Variants in PCED1B observed in about 807,000 individuals in gnomAD.
PCED1B encodes the protein PC-esterase domain containing 1B.
For missense variants in PCED1B, 573 were observed against 573.9 expected (o/e 1.00, Z 0.02); for synonymous variants, 251 against 246.1 (o/e 1.02, Z -0.19).
At chr12:47,128,644 C>G (rs1397166320) in intron 2 of PCED1B, among the ~76,000 whole-genome samples, 1 of 152,150 alleles carries the variant, frequency 6.6e-6, no homozygotes, top group African/African-American at 2.4e-5. Context: ...TGATTTCTGT[C>G]TCAGCAGTAA....
intron 2 of PCED1B, among the ~76,000 whole-genome samples, chr12:47,160,570 G>A (rs1941345728): frequency 6.6e-6 from 1 of 151,886 alleles, no homozygotes. Flanking sequence ...ACCTCCCAAA[G>A]TGCTGAGCCA....
At chr12:47,192,428 C>T (rs975770162) in intron 2 of PCED1B, among the ~76,000 whole-genome samples, 3 of 152,172 alleles carry the variant, frequency 2.0e-5, no homozygotes, top group African/African-American at 7.2e-5. Flanking sequence ...CGGCTCTATC[C>T]AAATGGGTGC....
At chr12:47,229,478 G>A (rs2137885036) in intron 3 of PCED1B, among the ~76,000 whole-genome samples, 1 of 152,046 alleles carries the variant, frequency 6.6e-6, no homozygotes, top group Non-Finnish European at 1.5e-5. Context: ...CAGATTTTTG[G>A]GTGATTTCAG....
intron 1 of PCED1B, among the ~76,000 whole-genome samples, chr12:47,092,751 C>T (rs1358829886): frequency 6.6e-6 from 1 of 152,018 alleles, no homozygotes; most frequent in African/African-American, 2.4e-5. Flanking sequence ...AATGCTTTTT[C>T]TGCATTTGAG....
At chr12:47,094,928 G>T (rs1938421261) in intron 1 of PCED1B, among the ~76,000 whole-genome samples, 1 of 145,008 alleles carries the variant, frequency 6.9e-6, no homozygotes, top group Admixed American at 6.9e-5. Context: ...TTTTGAGGCA[G>T]GTGTCTCACG....
chr12:47,182,820 A>G (rs549224568), intron 2 of PCED1B, among the ~76,000 whole-genome samples: 86 of 152,232 alleles, frequency 5.6e-4, no homozygotes, highest in South Asian at 4.4e-3. Context: ...CACTCGCCAC[A>G]CCATACTGCC....
At chr12:47,120,222 T>A (rs922243284) in intron 2 of PCED1B, among the ~76,000 whole-genome samples, 11 of 152,300 alleles carry the variant, frequency 7.2e-5, no homozygotes, top group Admixed American at 2.6e-4. Flanking sequence ...GGAATCCTCC[T>A]GTGCTGCTAG....
intron 2 of PCED1B, among the ~76,000 whole-genome samples, chr12:47,160,404 C>T (rs768041892): frequency 6.8e-5 from 10 of 146,586 alleles, no homozygotes; most frequent in African/African-American, 1.0e-4. Context: ...GCCTCAAGCA[C>T]AATCCTCTTG....
chr12:47,191,364 A>G (rs1452154376), intron 2 of PCED1B, among the ~76,000 whole-genome samples: 2 of 152,114 alleles, frequency 1.3e-5, no homozygotes, highest in African/African-American at 4.8e-5. Context: ...AGAGACCACT[A>G]TTTTTGTTTA....
intron 3 of PCED1B, among the ~76,000 whole-genome samples, chr12:47,229,206 G>A (rs1943723813): frequency 3.3e-5 from 5 of 152,002 alleles, no homozygotes; most frequent in Admixed American, 3.3e-4. Flanking sequence ...CTGAGGTCAG[G>A]AGTTCGAGAC....
intron 2 of PCED1B, among the ~76,000 whole-genome samples, chr12:47,124,878 T>C (rs1939824658): frequency 6.6e-6 from 1 of 152,032 alleles, no homozygotes; most frequent in African/African-American, 2.4e-5. Context: ...GTTTGTATGA[T>C]AGAGTTGTGG....
intron 3 of PCED1B, among the ~76,000 whole-genome samples, chr12:47,232,855 C>A (rs1349617060): frequency 6.6e-6 from 1 of 152,008 alleles, no homozygotes; most frequent in East Asian, 1.9e-4. Flanking sequence ...AAAGCACATA[C>A]TTTTATTTAT....
chr12:47,233,314 T>A (rs999519125), intron 3 of PCED1B, among the ~76,000 whole-genome samples: 16 of 152,212 alleles, frequency 1.1e-4, no homozygotes, highest in Non-Finnish European at 1.5e-5. Context: ...GCTAATTTTT[T>A]GTATTTTTAG....
At chr12:47,113,538 G>A (rs909289901) in intron 2 of PCED1B, among the ~76,000 whole-genome samples, 1 of 152,124 alleles carries the variant, frequency 6.6e-6, no homozygotes, top group East Asian at 1.9e-4. Flanking sequence ...CTATTCCCCT[G>A]TTCTACCCCC....
At chr12:47,135,267 C>G (rs538541507) in intron 2 of PCED1B, among the ~76,000 whole-genome samples, 5 of 152,126 alleles carry the variant, frequency 3.3e-5, no homozygotes, top group Non-Finnish European at 7.4e-5. Context: ...AAAGTACCAG[C>G]TAATATGTTA....
At chr12:47,160,282 TTTTTC>T (rs1941328330) in intron 2 of PCED1B, among the ~76,000 whole-genome samples, 1 of 138,708 alleles carries the variant, frequency 7.2e-6, no homozygotes. Flanking sequence ...TTTCTTTTTC[TTTTTC>T]TTTTTCTTTT....
chr12:47,119,465 A>G (rs1475060850), intron 2 of PCED1B, among the ~76,000 whole-genome samples: 1 of 149,892 alleles, frequency 6.7e-6, no homozygotes, highest in Admixed American at 6.6e-5. Context: ...TTATAGGGAG[A>G]TGAGAGGATT....
In PCED1B at chr12:47,081,280, A is replaced by G. The variant is rs181680820; in HGVS notation, c.-609+1555A>G. 2.2e-3 allele frequency among the ~76,000 whole-genome samples: 334 copies of G among 152,256 alleles called. 1 individual carries two copies. The highest frequency in any genetic ancestry group is 3.8e-3 in the Non-Finnish European group (260 of 68,020). On this transcript the variant is annotated intron_variant, in intron 1 of 3. Transcript: ENST00000546455. ...GTAATATTACTTAAAAATAAAAATG[A>G]TGAGGACAACCAACTCTTCCTCCCC...
At chr12:47,149,141 C>G (rs1367110654) in intron 2 of PCED1B, among the ~76,000 whole-genome samples, 1 of 152,218 alleles carries the variant, frequency 6.6e-6, no homozygotes, top group Non-Finnish European at 1.5e-5. Flanking sequence ...CGAATGGAAA[C>G]AGCTTTATAG....
Sources: allele counts gnomAD v4.1 joint callset (sites outside exome capture counted in the v4.1 genomes callset), GRCh38; gene constraint gnomAD v4.1.1; transcripts MANE v1.5; gene names NCBI Gene and HGNC (gene_info 2026-07-23, HGNC 2026-07-21).